Variants in TAL2 observed in about 807,000 individuals in gnomAD.
The protein encoded by TAL2 is TAL bHLH transcription factor 2.
For synonymous variants in TAL2, 48 were observed against 52.4 expected (o/e 0.92, Z 0.36); for missense variants, 114 against 129.6 (o/e 0.88, Z 0.58).
Position 105,662,842 on chromosome 9 carries a change from C to A in TAL2, c.*19C>A. The A allele has an allele frequency of 6.8e-7, 1 of 1,476,348 alleles. No homozygotes were observed. The highest frequency in any genetic ancestry group is 9.0e-7 in the Non-Finnish European group (1 of 1,113,662). The allele number at this position is 1,476,348 out of a possible 1,614,324, so 91.5% of individuals were successfully genotyped here. A position where few individuals can be genotyped will look rare whatever the true frequency, so the allele number is the denominator to read the frequency against. On this transcript the variant is annotated 3_prime_UTR_variant, in exon 1 of 1. Coordinates refer to ENST00000334077, the MANE Select transcript of TAL2 (RefSeq NM_005421.3). ...TCCTTAGTGTGGCTCTGGCTGTCAT[C>A]TCCCAGGGCAGCACTTGCCCAGAAA...
Position 105,662,913 on chromosome 9 carries a change from T to A in TAL2, c.*90T>A. The A allele has an allele frequency of 9.9e-7, 1 of 1,009,496 alleles. No homozygotes were observed. The highest frequency in any genetic ancestry group is 1.3e-6 in the Non-Finnish European group (1 of 750,512). The allele number at this position is 1,009,496 out of a possible 1,614,324, so 62.5% of individuals were successfully genotyped here. A position where few individuals can be genotyped will look rare whatever the true frequency, so the allele number is the denominator to read the frequency against. On this transcript the variant is annotated 3_prime_UTR_variant, in exon 1 of 1. Coordinates refer to ENST00000334077, the MANE Select transcript of TAL2 (RefSeq NM_005421.3). ...TTTGCATGTTCCAGAGTTGACCTGA[T>A]GATAACTCGTGAAGCATGAATTCTA...
In TAL2 at chr9:105,662,625, G is replaced by A. The variant is rs189371068; in HGVS notation, c.129G>A (p.Thr43=). The change falls in exon 1 of 1, where the codon ACG becomes ACA. Residue 43 remains threonine (T), a synonymous_variant. Coordinates refer to ENST00000334077, the MANE Select transcript of TAL2 (RefSeq NM_005421.3). ...ACAAAAAGCTGAGCAAAAATGAAAC[G>A]CTTCGCCTGGCAATGAGGTATATCA... ...PPDKKLSKNE[T]LRLAMRYINF... is the part of the protein sequence containing the mutation. 18 of 1,614,024 alleles carry A rather than the reference G, an allele frequency of 1.1e-5. No homozygotes were observed. In the East Asian group the frequency reaches 1.6e-4, roughly 14 times the overall value.
At position 105,662,977 on chromosome 9, in the gene TAL2, T is replaced by C; in HGVS notation, c.*154T>C. 1 of 569,240 alleles carries C rather than the reference T, an allele frequency of 1.8e-6. No homozygotes were observed. 35.3% of individuals were successfully genotyped at this position (569,240 alleles called of 1,614,324 possible). ...TGGCTCAGAGACAGCTGCAGGGAGC[T>C]GAAAGAAGCCATGAGGAATGTCACT... On this transcript the variant is annotated 3_prime_UTR_variant, in exon 1 of 1. Transcript: ENST00000334077.
rs756408896 is a variant in TAL2, at chr9:105,662,824, T to C, written c.*1T>C. ...TGGTCCAAGCCACCACATTCCTTAG[T>C]GTGGCTCTGGCTGTCATCTCCCAGG... On this transcript the variant is annotated 3_prime_UTR_variant, in exon 1 of 1. Transcript: ENST00000334077. 6.7e-6 allele frequency: 10 copies of C among 1,494,680 alleles called. No individual in the cohort carries two copies. In the South Asian group the frequency reaches 1.5e-4, roughly 22 times the overall value. The allele number at this position is 1,494,680 out of a possible 1,614,324, so 92.6% of individuals were successfully genotyped here.
chr9:105,662,671 G>A lies in TAL2; in HGVS notation c.175G>A (p.Gly59Arg), dbSNP rs775375184. 1.2e-6 allele frequency: 2 copies of A among 1,613,688 alleles called. No individual in the cohort carries two copies. The highest frequency in any genetic ancestry group is 2.2e-5 in the South Asian group (2 of 90,898). Residue 59 changes from glycine (G) to arginine (R), a missense_variant, in exon 1 of 1, where the codon GGG becomes AGG. Gly to Arg is a moderately radical substitution (Grantham distance 125). Coordinates refer to ENST00000334077, the MANE Select transcript of TAL2 (RefSeq NM_005421.3). The stretch of plus-strand genomic sequence containing the variant: ...TATCAACTTCTTGGTCAAGGTCTTG[G>A]GGGAGCAAAGCCTGCAACAAACGGG... ...RYINFLVKVLGEQSLQQTGVA... is the reference protein window; with the variant it reads ...RYINFLVKVLREQSLQQTGVA...
At position 105,662,835 on chromosome 9, in the gene TAL2, C is replaced by T. The variant is rs1176518143; in HGVS notation, c.*12C>T. The T allele has an allele frequency of 6.7e-7, 1 of 1,485,684 alleles. No homozygotes were observed. Among genetic ancestry groups the T allele is most frequent in the Non-Finnish European group, 8.9e-7 (1 of 1,118,924 alleles). The allele number at this position is 1,485,684 out of a possible 1,614,324, so 92.0% of individuals were successfully genotyped here. A position where few individuals can be genotyped will look rare whatever the true frequency, so the allele number is the denominator to read the frequency against. On this transcript the variant is annotated 3_prime_UTR_variant, in exon 1 of 1. Coordinates refer to ENST00000334077, the MANE Select transcript of TAL2 (RefSeq NM_005421.3). ...ACCACATTCCTTAGTGTGGCTCTGGCTGTCATCTCCCAGGGCAGCACTTGC... is the reference window on the plus strand; with the variant it reads ...ACCACATTCCTTAGTGTGGCTCTGGTTGTCATCTCCCAGGGCAGCACTTGC...
At position 105,662,487 on chromosome 9, in the gene TAL2, G is replaced by A. The variant is rs757389756; in HGVS notation, c.-10G>A. The A allele has an allele frequency of 6.3e-7, 1 of 1,582,976 alleles. No individual in the cohort carries two copies. Among genetic ancestry groups the A allele is most frequent in the Non-Finnish European group, 8.6e-7 (1 of 1,167,800 alleles). Reference sequence around the variant, plus strand: ...AGGGCCCTTTCTCTTTCCATCTCAGGAACTCAAACATGACCAGGAAGATCT... The same window carrying A: ...AGGGCCCTTTCTCTTTCCATCTCAGAAACTCAAACATGACCAGGAAGATCT... On this transcript the variant is annotated 5_prime_UTR_variant, in exon 1 of 1. Coordinates refer to ENST00000334077, the MANE Select transcript of TAL2 (RefSeq NM_005421.3).
rs180763430 is a variant in TAL2 at position 105,662,695 on chromosome 9, G to C, written c.199G>C (p.Gly67Arg). 201 of 1,612,518 alleles carry C rather than the reference G, an allele frequency of 1.2e-4. No homozygotes were observed. The East Asian group carries it at 3.3e-3, about 26-fold the overall frequency. The change falls in exon 1 of 1, where the codon GGA (glycine) becomes CGA (arginine). Residue 67 changes from glycine (G) to arginine (R), a missense_variant. Transcript: ENST00000334077. ...VLGEQSLQQT[G>R]VAAQGNILGL... ...GGGGGAGCAAAGCCTGCAACAAACG[G>C]GAGTGGCTGCTCAGGGGAACATTCT...
chr9:105,663,103 A>T lies in TAL2; in HGVS notation c.*280A>T, dbSNP rs200326823. The T allele has an allele frequency of 2.0e-5, 2 of 98,054 alleles. No individual in the cohort carries two copies. Among genetic ancestry groups the T allele is most frequent in the Admixed American group, 1.2e-4 (1 of 8,464 alleles). The allele number at this position is 98,054 out of a possible 1,614,324, so 6.1% of individuals were successfully genotyped here. A position where few individuals can be genotyped will look rare whatever the true frequency, so the allele number is the denominator to read the frequency against. On this transcript the variant is annotated 3_prime_UTR_variant, in exon 1 of 1. Coordinates refer to ENST00000334077, the MANE Select transcript of TAL2 (RefSeq NM_005421.3). The stretch of plus-strand genomic sequence containing the variant: ...GACTTTTGGAGAAAAAATTCTAAAT[A>T]AAAAAAAAAAAAGGCTGAAAATCAC...
rs765373315 is a variant in TAL2, at chr9:105,662,686, C to A, written c.190C>A (p.Gln64Lys). ...LVKVLGEQSL[Q>K]QTGVAAQGNI... ...CAAGGTCTTGGGGGAGCAAAGCCTG[C>A]AACAAACGGGAGTGGCTGCTCAGGG... Residue 64 changes from glutamine (Q) to lysine (K), a missense_variant, in exon 1 of 1, where the codon CAA (glutamine) becomes AAA (lysine). By Grantham distance (53) the Gln-to-Lys change is moderately conservative (BLOSUM62 1). Coordinates refer to ENST00000334077, the MANE Select transcript of TAL2 (RefSeq NM_005421.3). 1.3e-5 allele frequency: 21 copies of A among 1,613,056 alleles called. No homozygotes were observed. In the South Asian group the frequency reaches 2.3e-4, roughly 18 times the overall value.
In TAL2 at chr9:105,662,715, C is replaced by T; in HGVS notation, c.219C>T (p.Asn73=). The T allele has an allele frequency of 1.2e-6, 2 of 1,606,822 alleles. No homozygotes were observed. The highest frequency in any genetic ancestry group is 1.7e-6 in the Non-Finnish European group (2 of 1,176,314). ...AAACGGGAGTGGCTGCTCAGGGGAA[C>T]ATTCTGGGGCTCTTCCCTCAAGGAC... ...LQQTGVAAQG[N]ILGLFPQGPH... The change falls in exon 1 of 1, where the codon AAC becomes AAT. Residue 73 remains asparagine (N), a synonymous_variant. Transcript: ENST00000334077.
At position 105,662,958 on chromosome 9, in the gene TAL2, A is replaced by T. The variant is rs1281059593; in HGVS notation, c.*135A>T. ...ATTCTAGCTTCCTGGGAGGTGGCTC[A>T]GAGACAGCTGCAGGGAGCTGAAAGA... On this transcript the variant is annotated 3_prime_UTR_variant, in exon 1 of 1. Transcript: ENST00000334077. The T allele has an allele frequency of 1.5e-6, 1 of 687,992 alleles. No homozygotes were observed. Among genetic ancestry groups the T allele is most frequent in the Admixed American group, 4.3e-5 (1 of 23,418 alleles). The allele number at this position is 687,992 out of a possible 1,614,324, so 42.6% of individuals were successfully genotyped here.
chr9:105,662,478 C>G lies in TAL2; in HGVS notation c.-19C>G, dbSNP rs764405303. On this transcript the variant is annotated 5_prime_UTR_variant, in exon 1 of 1. Transcript: ENST00000334077. ...TTGGCCCTGAGGGCCCTTTCTCTTT[C>G]CATCTCAGGAACTCAAACATGACCA... 5 of 1,571,734 alleles carry G rather than the reference C, an allele frequency of 3.2e-6. No individual in the cohort carries two copies. The East Asian group carries it at 1.1e-4, about 35-fold the overall frequency.
At position 105,662,754 on chromosome 9, in the gene TAL2, C is replaced by T. The variant is rs768546654; in HGVS notation, c.258C>T (p.Gly86=). 1.3e-6 allele frequency: 2 copies of T among 1,573,364 alleles called. No individual in the cohort carries two copies. Among genetic ancestry groups the T allele is most frequent in the South Asian group, 2.4e-5 (2 of 83,480 alleles). ...TCCCTCAAGGACCCCACCTGCCAGG[C>T]CTGGAGGACAGAACTCTGCTTGAGA... The part of the protein sequence containing the change: ...GLFPQGPHLP[G]LEDRTLLENY... Residue 86 remains glycine (G), a synonymous_variant, in exon 1 of 1, where the codon GGC becomes GGT. Transcript: ENST00000334077.
At position 105,662,881 on chromosome 9, in the gene TAL2, A is replaced by T; in HGVS notation, c.*58A>T. The T allele has an allele frequency of 7.4e-7, 1 of 1,350,730 alleles. No homozygotes were observed. Among genetic ancestry groups the T allele is most frequent in the Admixed American group, 3.1e-5 (1 of 32,362 alleles). The allele number at this position is 1,350,730 out of a possible 1,614,324, so 83.7% of individuals were successfully genotyped here. On this transcript the variant is annotated 3_prime_UTR_variant, in exon 1 of 1. Transcript: ENST00000334077. ...CTTGCCCAGAAATCACTGCCTGTGG[A>T]CAGACTTTTGCATGTTCCAGAGTTG... is the stretch of plus-strand genomic sequence containing the variant.
In TAL2 at chr9:105,662,598, A is replaced by G. The variant is rs944231232; in HGVS notation, c.102A>G (p.Pro34=). ...GGAAGCTCATCCCCACTCACCCTCC[A>G]GACAAAAAGCTGAGCAAAAATGAAA... The part of the protein sequence containing the change: ...KLRKLIPTHP[P]DKKLSKNETL... The change falls in exon 1 of 1, where the codon CCA becomes CCG. Residue 34 remains proline (P), a synonymous_variant. Transcript: ENST00000334077. 3.1e-6 allele frequency: 5 copies of G among 1,613,974 alleles called. No individual in the cohort carries two copies. In the African/African-American group the frequency reaches 6.7e-5, roughly 22 times the overall value.
Position 105,662,738 on chromosome 9 carries a change from G to C in TAL2, c.242G>C (p.Gly81Ala). Residue 81 changes from glycine (G) to alanine (A), a missense_variant, in exon 1 of 1, where the codon GGA becomes GCA. Gly to Ala is a moderately conservative substitution (Grantham distance 60, BLOSUM62 0). Coordinates refer to ENST00000334077, the MANE Select transcript of TAL2 (RefSeq NM_005421.3). ...AACATTCTGGGGCTCTTCCCTCAAG[G>C]ACCCCACCTGCCAGGCCTGGAGGAC... ...QGNILGLFPQ[G>A]PHLPGLEDRT... is the part of the protein sequence containing the mutation. The C allele has an allele frequency of 6.3e-7, 1 of 1,590,460 alleles. No homozygotes were observed. The highest frequency in any genetic ancestry group is 8.6e-7 in the Non-Finnish European group (1 of 1,168,296).
chr9:105,662,938 A>T lies in TAL2; in HGVS notation c.*115A>T. The T allele has an allele frequency of 1.2e-6, 1 of 859,396 alleles. No individual in the cohort carries two copies. Among genetic ancestry groups the T allele is most frequent in the Non-Finnish European group, 1.6e-6 (1 of 625,844 alleles). 53.2% of individuals were successfully genotyped at this position (859,396 alleles called of 1,614,324 possible). On this transcript the variant is annotated 3_prime_UTR_variant, in exon 1 of 1. Coordinates refer to ENST00000334077, the MANE Select transcript of TAL2 (RefSeq NM_005421.3). ...TGATAACTCGTGAAGCATGAATTCT[A>T]GCTTCCTGGGAGGTGGCTCAGAGAC...
rs1315347900 is a variant in TAL2, at chr9:105,663,058, T to A, written c.*235T>A. 7.6e-6 allele frequency: 3 copies of A among 392,164 alleles called. No homozygotes were observed. The highest frequency in any genetic ancestry group is 1.4e-5 in the Non-Finnish European group (3 of 213,918). 24.3% of individuals were successfully genotyped at this position (392,164 alleles called of 1,614,324 possible). On this transcript the variant is annotated 3_prime_UTR_variant, in exon 1 of 1. Transcript: ENST00000334077. ...TAGAGCGGCCTACCTCTGCCTATTT[T>A]AAATCCAGGTTCTGCATAAGACTTT...
Sources: allele counts gnomAD v4.1 joint callset, GRCh38; gene constraint gnomAD v4.1.1; transcripts MANE v1.5; gene names NCBI Gene and HGNC (gene_info 2026-07-23, HGNC 2026-07-21).